The following BICD1 variants were observed in gnomAD, a reference collection of about 807,000 sequenced individuals.
The protein encoded by BICD1 is BICD cargo adaptor 1, also known as protein bicaudal D homolog 1.
BICD1 carries 35 observed loss-of-function variants against 92.5 expected under a neutral mutation model. That is an observed-to-expected ratio of 0.38 (90% CI 0.29 to 0.50). BICD1 has a LOEUF of 0.50. BICD1 is among the 20% of genes least tolerant of loss of function. The pLI is 0.93. For synonymous variants in BICD1, 429 were observed against 465.1 expected (o/e 0.92, Z 1.00); for missense variants, 950 against 1,189.8 (o/e 0.80, Z 2.97).
At chr12:32,123,155 GGAA>G (rs1054930270) in intron 1 of BICD1, among the ~76,000 whole-genome samples, 1 of 152,164 alleles carries the variant, frequency 6.6e-6, no homozygotes, top group African/African-American at 2.4e-5. Context: ...CATGTGAAGT[GGAA>G]GAAGGTTATG....
chr12:32,172,524 G>A (rs990150753), intron 1 of BICD1, among the ~76,000 whole-genome samples: 1 of 152,148 alleles, frequency 6.6e-6, no homozygotes, highest in South Asian at 2.1e-4. Context: ...AATTCACCTT[G>A]TTCTCTCTTG....
intron 1 of BICD1, among the ~76,000 whole-genome samples, chr12:32,205,744 C>T (rs1319335895): frequency 1.2e-5 from 1 of 85,770 alleles, no homozygotes; most frequent in Non-Finnish European, 2.6e-5. Flanking sequence ...TATGTATATA[C>T]TTGCGAAATC....
intron 1 of BICD1, among the ~76,000 whole-genome samples, chr12:32,215,900 T>C (rs1012906455): frequency 7.8e-6 from 1 of 127,684 alleles, no homozygotes; most frequent in Admixed American, 1.1e-4. Context: ...CTTGCAGTGA[T>C]CCGAGATTGC....
intron 1 of BICD1, among the ~76,000 whole-genome samples, chr12:32,116,516 A>ATG: frequency 7.4e-6 from 1 of 134,626 alleles, no homozygotes; most frequent in African/African-American, 2.8e-5. Flanking sequence ...CTCTCTATAT[A>ATG]TATATATATA....
At chr12:32,183,961 C>T (rs1347375688) in intron 1 of BICD1, among the ~76,000 whole-genome samples, 1 of 152,110 alleles carries the variant, frequency 6.6e-6, no homozygotes, top group African/African-American at 2.4e-5. Flanking sequence ...TAGTCCAGCC[C>T]GTCACCACTG....
At chr12:32,351,342 C>T (rs558615950) in intron 8 of BICD1, among the ~76,000 whole-genome samples, 15 of 150,440 alleles carry the variant, frequency 1.0e-4, no homozygotes, top group Admixed American at 2.6e-4. Flanking sequence ...AAAAATTAGC[C>T]GGGCATGGTG....
intron 1 of BICD1, among the ~76,000 whole-genome samples, chr12:32,190,728 A>T (rs2121530190): frequency 6.6e-6 from 1 of 152,358 alleles, no homozygotes; most frequent in Non-Finnish European, 1.5e-5. Context: ...GGCCTGAATA[A>T]CATTATAGAC....
chr12:32,229,250 C>CAAAACA (rs1359917067), intron 2 of BICD1, among the ~76,000 whole-genome samples: 1 of 151,884 alleles, frequency 6.6e-6, no homozygotes, highest in East Asian at 1.9e-4. Context: ...GACTCTGTCT[C>CAAAACA]AAAACAAAAA....
intron 1 of BICD1, among the ~76,000 whole-genome samples, chr12:32,165,677 T>G (rs1423317767): frequency 1.0e-5 from 1 of 99,626 alleles, no homozygotes; most frequent in Non-Finnish European, 2.0e-5. Flanking sequence ...AGCCAGACTC[T>G]GTCTCAAAAA....
intron 2 of BICD1, among the ~76,000 whole-genome samples, chr12:32,238,071 G>T (rs1478119249): frequency 6.6e-6 from 1 of 152,176 alleles, no homozygotes; most frequent in East Asian, 1.9e-4. Context: ...GAGTTTCGAA[G>T]AAGTTGATTC....
intron 2 of BICD1, among the ~76,000 whole-genome samples, chr12:32,267,079 A>G (rs886997017): frequency 3.3e-5 from 5 of 152,148 alleles, no homozygotes; most frequent in Admixed American, 3.3e-4. Context: ...TGTCATGCAC[A>G]TCATTCTGTC....
chr12:32,163,107 G>A (rs567125299), intron 1 of BICD1, among the ~76,000 whole-genome samples: 16 of 152,064 alleles, frequency 1.1e-4, no homozygotes, highest in Non-Finnish European at 1.6e-4. Flanking sequence ...AAATGATAAC[G>A]CAGGGGTCTT....
intron 1 of BICD1, among the ~76,000 whole-genome samples, chr12:32,147,542 A>G (rs1371455286): frequency 1.3e-5 from 2 of 152,192 alleles, no homozygotes; most frequent in East Asian, 3.8e-4. Context: ...AAAATCATTC[A>G]TTATTTACCT....
rs1171512167 is a variant in BICD1 at position 32,204,895 on chromosome 12, AC to A, written c.214-11351del. Among the ~76,000 whole-genome samples the A allele has an allele frequency of 3.9e-5, 6 of 152,308 alleles. No individual in the cohort carries two copies. The East Asian group carries it at 1.2e-3, about 29-fold the overall frequency. ...TTCAGTTCAGTCTCAATGTTACCCC[AC>A]GCATCATCCCTTTCTATTATGCGAA... On this transcript the variant is annotated intron_variant, in intron 1 of 9. Transcript: ENST00000652176.
intron 1 of BICD1, among the ~76,000 whole-genome samples, chr12:32,215,041 C>A (rs560451033): frequency 6.6e-6 from 1 of 152,068 alleles, no homozygotes; most frequent in Non-Finnish European, 1.5e-5. Context: ...CCAGCCTGGC[C>A]AACAAGGTGA....
At position 32,107,357 on chromosome 12, in the gene BICD1, C is replaced by A. The variant is rs202045108; in HGVS notation, c.26C>A (p.Thr9Lys). The change falls in exon 1 of 10, where the codon ACG becomes AAG. Residue 9 changes from threonine (T) to lysine (K), a missense_variant. By Grantham distance (78) the Thr-to-Lys change is moderately conservative. This residue lies in a region of BICD1 where 202 missense variants were observed against 205.3 expected (regional missense o/e 0.98). Transcript: ENST00000652176. Reference sequence around the variant, plus strand: ...ATGGCCGCAGAAGAGGTATTGCAGACGGTGGACCATTATAAGACTGAGATA... The same window carrying A: ...ATGGCCGCAGAAGAGGTATTGCAGAAGGTGGACCATTATAAGACTGAGATA... MAAEEVLQ[T>K]VDHYKTEIER... 1.2e-6 allele frequency: 2 copies of A among 1,608,008 alleles called. No homozygotes were observed. Among genetic ancestry groups the A allele is most frequent in the Non-Finnish European group, 8.5e-7 (1 of 1,177,632 alleles).
chr12:32,198,459 C>T (rs559495356), intron 1 of BICD1, among the ~76,000 whole-genome samples: 2 of 150,184 alleles, frequency 1.3e-5, no homozygotes, highest in African/African-American at 4.9e-5. Context: ...TAAAAAGCAG[C>T]CATTGTACAG....
rs1218649568 is a variant in BICD1 at position 32,267,995 on chromosome 12, G to C, written c.427-25999G>C. Reference sequence around the variant, plus strand: ...AAAAAGTGTTTTTTTTGAAGAAATGGTGTCTTACTGTGTAGCCCAGACTGG... The same window carrying C: ...AAAAAGTGTTTTTTTTGAAGAAATGCTGTCTTACTGTGTAGCCCAGACTGG... On this transcript the variant is annotated intron_variant, in intron 2 of 9. Transcript: ENST00000652176. Among the ~76,000 whole-genome samples, 5 of 152,234 alleles carry C rather than the reference G, an allele frequency of 3.3e-5. No individual in the cohort carries two copies. In the East Asian group the frequency reaches 9.7e-4, roughly 29 times the overall value.
chr12:32,284,530 T>A (rs1266170340), intron 2 of BICD1, among the ~76,000 whole-genome samples: 2 of 152,200 alleles, frequency 1.3e-5, no homozygotes, highest in African/African-American at 4.8e-5. Context: ...GTCCCCTCCG[T>A]ATTCTTCATG....
Sources: gnomAD v4.1 joint callset for allele counts (sites outside exome capture counted in the v4.1 genomes callset) on GRCh38, gnomAD v4.1.1 for gene constraint, gnomAD v4.1.1 regional missense constraint, MANE v1.5 for transcripts, NCBI Gene and HGNC (gene_info 2026-07-23, HGNC 2026-07-21) for gene names.